ARHGAP15: variants seen among roughly 807,000 people sequenced by gnomAD.
ARHGAP15 encodes Rho GTPase activating protein 15, also known as rho GTPase-activating protein 15.
ARHGAP15 carries 51 observed loss-of-function variants against 63.7 expected under a neutral mutation model. The observed-to-expected ratio is 0.80, with a 90% CI of 0.64 to 1.01. ARHGAP15 has a LOEUF of 1.01. ARHGAP15 is among the 50% of genes least tolerant of loss of function. ARHGAP15 has a pLI of 0.00. For synonymous variants in ARHGAP15, 191 were observed against 193.8 expected (o/e 0.99, Z 0.12); for missense variants, 560 against 564.6 (o/e 0.99, Z 0.08).
chr2:143,755,845 A>T (rs1686556266), intron 13 of ARHGAP15, among the ~76,000 whole-genome samples: 1 of 152,108 alleles, frequency 6.6e-6, no homozygotes, highest in East Asian at 1.9e-4. Flanking sequence ...GGGTGCCTGT[A>T]ATCCTAGCTA....
At chr2:143,247,260 A>G (rs771910573) in intron 5 of ARHGAP15, 3 of 152,324 alleles carry the variant, frequency 2.0e-5, no homozygotes, top group Non-Finnish European at 2.9e-5. Context: ...TGAAAATGCT[A>G]TATAAACTGC....
chr2:143,150,833 TAGGAAGAACAAGGGGAATACTG>T (rs1472338503), intron 1 of ARHGAP15, among the ~76,000 whole-genome samples: 1 of 152,004 alleles, frequency 6.6e-6, no homozygotes, highest in Non-Finnish European at 1.5e-5. Context: ...TAACGTGTTC[TAGGAAGAACAAGGGGAATACTG>T]AAGAGGCACA....
chr2:143,734,163 C>T (rs1233772943), intron 13 of ARHGAP15, among the ~76,000 whole-genome samples: 1 of 152,168 alleles, frequency 6.6e-6, no homozygotes, highest in African/African-American at 2.4e-5. Flanking sequence ...GTCCTTTTCT[C>T]ATCAGAGATA....
intron 6 of ARHGAP15, among the ~76,000 whole-genome samples, chr2:143,374,124 G>A (rs996030766): frequency 2.0e-5 from 3 of 152,132 alleles, no homozygotes; most frequent in Non-Finnish European, 4.4e-5. Context: ...TTGGCAAAGG[G>A]TGCCGCAACG....
chr2:143,148,079 A>G (rs1180262560), intron 1 of ARHGAP15, among the ~76,000 whole-genome samples: 3 of 152,018 alleles, frequency 2.0e-5, no homozygotes, highest in African/African-American at 7.2e-5. Flanking sequence ...TTAATCAACC[A>G]TAGCTTTCCC....
At chr2:143,695,758 C>T (rs764863047) in intron 12 of ARHGAP15, among the ~76,000 whole-genome samples, 2 of 151,780 alleles carry the variant, frequency 1.3e-5, no homozygotes, top group Non-Finnish European at 2.9e-5. Context: ...GTCCCAGCTA[C>T]TTGGGAGGCT....
chr2:143,342,093 T>C (rs1685083012), intron 6 of ARHGAP15, among the ~76,000 whole-genome samples: 1 of 152,094 alleles, frequency 6.6e-6, no homozygotes, highest in Admixed American at 6.6e-5. Flanking sequence ...CCACAAGACT[T>C]ATTGTGAGCT....
intron 3 of ARHGAP15, among the ~76,000 whole-genome samples, chr2:143,203,370 G>T (rs55967524): frequency 0.022 from 3,274 of 152,056 alleles, 138 homozygotes; most frequent in African/African-American, 0.075. Context: ...CTCTGTTTAG[G>T]CTTTTATCTC....
At chr2:143,154,012 A>C (rs1373659106) in intron 1 of ARHGAP15, among the ~76,000 whole-genome samples, 1 of 150,092 alleles carries the variant, frequency 6.7e-6, no homozygotes, top group Non-Finnish European at 1.5e-5. Context: ...TATTGTTTTC[A>C]TTGCATAAAT....
chr2:143,615,756 G>A (rs1698427944), intron 11 of ARHGAP15, among the ~76,000 whole-genome samples: 2 of 152,126 alleles, frequency 1.3e-5, no homozygotes, highest in African/African-American at 4.8e-5. Flanking sequence ...CCACTATGAA[G>A]CAAGCTTTCA....
chr2:143,362,139 C>T (rs1686085436), intron 6 of ARHGAP15, among the ~76,000 whole-genome samples: 1 of 152,126 alleles, frequency 6.6e-6, no homozygotes, highest in Non-Finnish European at 1.5e-5. Flanking sequence ...ATCGCTTTCC[C>T]CAACCCCCAA....
chr2:143,479,344 T>G (rs1691968683), intron 8 of ARHGAP15, among the ~76,000 whole-genome samples: 1 of 151,976 alleles, frequency 6.6e-6, no homozygotes, highest in Non-Finnish European at 1.5e-5. Flanking sequence ...TTGGGGTTTT[T>G]TTTTTTTCTC....
intron 6 of ARHGAP15, among the ~76,000 whole-genome samples, chr2:143,393,080 CT>C (rs1687603438): frequency 1.3e-5 from 2 of 152,036 alleles, no homozygotes; most frequent in Admixed American, 6.6e-5. Context: ...GATTTAAAGC[CT>C]TTTATTCTAA....
At chr2:143,430,634 A>G (rs1158451412) in intron 6 of ARHGAP15, among the ~76,000 whole-genome samples, 1 of 152,082 alleles carries the variant, frequency 6.6e-6, no homozygotes, top group Non-Finnish European at 1.5e-5. Flanking sequence ...AGTACTGAAT[A>G]CAGATATGGA....
intron 11 of ARHGAP15, among the ~76,000 whole-genome samples, chr2:143,623,147 G>A (rs948530440): frequency 2.0e-5 from 3 of 152,168 alleles, no homozygotes; most frequent in Admixed American, 1.3e-4. Flanking sequence ...AAGACAAATC[G>A]TCTGGCTCGA....
intron 10 of ARHGAP15, among the ~76,000 whole-genome samples, chr2:143,535,082 A>C (rs1173410882): frequency 6.6e-6 from 1 of 152,242 alleles, no homozygotes; most frequent in Non-Finnish European, 1.5e-5. Context: ...GTGATTAATC[A>C]AGCTTAAAAA....
chr2:143,663,775 G>C (rs1363685031), intron 12 of ARHGAP15, among the ~76,000 whole-genome samples: 1 of 151,564 alleles, frequency 6.6e-6, no homozygotes, highest in African/African-American at 2.4e-5. Flanking sequence ...CCTAGTCTCT[G>C]ATAAAACAGA....
chr2:143,764,817 C>CT (rs1393049992), intron 13 of ARHGAP15, among the ~76,000 whole-genome samples: 2 of 152,192 alleles, frequency 1.3e-5, no homozygotes, highest in Admixed American at 6.6e-5. Context: ...ATCTTCAATC[C>CT]TGTCAATGTT....
At chr2:143,747,919 G>A (rs1474936506) in intron 13 of ARHGAP15, among the ~76,000 whole-genome samples, 1 of 152,060 alleles carries the variant, frequency 6.6e-6, no homozygotes, top group Non-Finnish European at 1.5e-5. Context: ...AGACTTCCTT[G>A]TCTGAGGCAA....
Sources: gnomAD v4.1 joint callset for allele counts (sites outside exome capture counted in the v4.1 genomes callset) on GRCh38, gnomAD v4.1.1 for gene constraint, MANE v1.5 for transcripts, NCBI Gene and HGNC (gene_info 2026-07-23, HGNC 2026-07-21) for gene names.